CAPN7: variants seen among roughly 807,000 people sequenced by gnomAD.
CAPN7 encodes the protein calpain 7, also known as calpain-7.
A neutral mutation model predicts 115.2 loss-of-function variants in CAPN7; 72 were observed. That is an observed-to-expected ratio of 0.63 (90% CI 0.52 to 0.76). CAPN7 has a LOEUF of 0.76. CAPN7 is among the 30% of genes least tolerant of loss of function. CAPN7 has a pLI of 0.00. For synonymous variants in CAPN7, 344 were observed against 322.3 expected (o/e 1.07, Z -0.72); for missense variants, 905 against 971.5 (o/e 0.93, Z 0.91).
rs1693782220 is a variant in CAPN7, at chr3:15,218,627, G to C, written c.437+87G>C. On this transcript the variant is annotated intron_variant, in intron 4 of 20. Transcript: ENST00000253693. Reference sequence around the variant, plus strand: ...ATCTAAATGTGTTGTAAAGGCTGCAGTAACAAACCTCCATCTTTTAACTGT... The same window carrying C: ...ATCTAAATGTGTTGTAAAGGCTGCACTAACAAACCTCCATCTTTTAACTGT... The C allele has an allele frequency of 5.6e-6, 5 of 894,972 alleles. 1 individual carries two copies. Among genetic ancestry groups the C allele is most frequent in the Non-Finnish European group, 9.1e-6 (5 of 551,466 alleles). 55.4% of individuals were successfully genotyped at this position (894,972 alleles called of 1,614,324 possible).
At chr3:15,229,204 G>C (rs1317293633) in intron 8 of CAPN7, 145 bp downstream of exon 8, 1 of 622,222 alleles carries the variant, frequency 1.6e-6, no homozygotes, top group Non-Finnish European at 2.9e-6. Flanking sequence ...GATGATTTAT[G>C]AATGTGGAAA....
chr3:15,218,189 A>G (rs1348488168), intron 3 of CAPN7, among the ~76,000 whole-genome samples: 1 of 152,158 alleles, frequency 6.6e-6, no homozygotes, highest in Non-Finnish European at 1.5e-5. Context: ...AATGAGTGCT[A>G]GTGTTCTGAG....
rs1300551419 is a variant in CAPN7, at chr3:15,206,561, C to T, written c.66C>T (p.His22=). ...QFARLAVQRD[H]EGRYSEAVFY... ...CCCGTCTGGCGGTTCAGCGCGACCACGAAGGCCGCTACTCCGAGGCGGTGT... is the reference window on the plus strand; with the variant it reads ...CCCGTCTGGCGGTTCAGCGCGACCATGAAGGCCGCTACTCCGAGGCGGTGT... Residue 22 remains histidine, a synonymous_variant, in exon 1 of 21, where the codon CAC becomes CAT. Transcript: ENST00000253693. 6.4e-7 allele frequency: 1 copy of T among 1,554,336 alleles called. No homozygotes were observed. Among genetic ancestry groups the T allele is most frequent in the East Asian group, 2.4e-5 (1 of 41,324 alleles).
At chr3:15,208,850 A>AG (rs949658030) in intron 1 of CAPN7, among the ~76,000 whole-genome samples, 4 of 152,164 alleles carry the variant, frequency 2.6e-5, no homozygotes, top group Non-Finnish European at 5.9e-5. Context: ...CTAGATTTGG[A>AG]GGGAGCTGTG....
At chr3:15,215,604 T>C (rs2045207141) in intron 2 of CAPN7, among the ~76,000 whole-genome samples, 1 of 152,266 alleles carries the variant, frequency 6.6e-6, no homozygotes, top group Non-Finnish European at 1.5e-5. Flanking sequence ...CCTTTTGCCA[T>C]GTGGCTTCTT....
intron 1 of CAPN7, among the ~76,000 whole-genome samples, chr3:15,208,175 A>G (rs1244958489): frequency 2.7e-5 from 4 of 146,404 alleles, no homozygotes; most frequent in South Asian, 2.1e-4. Context: ...GTGTGTGACT[A>G]TATTTTTGTG....
intron 9 of CAPN7, 37 bp downstream of exon 9, chr3:15,230,572 C>G: frequency 8.4e-7 from 1 of 1,189,896 alleles, no homozygotes; most frequent in South Asian, 1.3e-5. Flanking sequence ...TCCCTTGTCT[C>G]TCTCCGTTCC....
chr3:15,227,886 T>C lies in CAPN7; in HGVS notation c.773T>C (p.Phe258Ser), dbSNP rs1490820664. The stretch of plus-strand genomic sequence containing the variant: ...TTATCACCTAAACAAAAAACTACAT[T>C]TTCCAAGTGGGTACGACCAGAAGAC... ...LPLSPKQKTT[F>S]SKWVRPEDLT... The change falls in exon 7 of 21, where the codon TTT (phenylalanine) becomes TCT (serine). Residue 258 changes from phenylalanine (F) to serine (S), a missense_variant. Coordinates refer to ENST00000253693, the MANE Select transcript of CAPN7 (RefSeq NM_014296.3). 6.5e-7 allele frequency: 1 copy of C among 1,549,990 alleles called. No individual in the cohort carries two copies. The highest frequency in any genetic ancestry group is 1.9e-5 in the Admixed American group (1 of 53,664).
intron 9 of CAPN7, chr3:15,232,008 G>T: frequency 4.9e-6 from 1 of 202,374 alleles, no homozygotes; most frequent in Non-Finnish European, 1.0e-5. Flanking sequence ...TATTTTAAAT[G>T]TACATTTCTA....
chr3:15,248,601 G>A (rs1695810728), intron 19 of CAPN7, among the ~76,000 whole-genome samples: 1 of 152,176 alleles, frequency 6.6e-6, no homozygotes, highest in African/African-American at 2.4e-5. Flanking sequence ...TGATCTGGGT[G>A]ATGGTTACCC....
At chr3:15,243,746 C>G (rs73140149) in intron 16 of CAPN7, among the ~76,000 whole-genome samples, 7,938 of 149,358 alleles carry the variant, frequency 0.053, 729 homozygotes, top group African/African-American at 0.19. Context: ...TAAGAACTTA[C>G]GAACACAAAG....
chr3:15,236,494 ACTG>A (rs1184357527), intron 12 of CAPN7, among the ~76,000 whole-genome samples: 1 of 152,254 alleles, frequency 6.6e-6, no homozygotes, highest in East Asian at 1.9e-4. Context: ...ACAGAGCACT[ACTG>A]TGTGTTAATT....
At chr3:15,243,349 T>G (rs979346060) in intron 16 of CAPN7, among the ~76,000 whole-genome samples, 2 of 152,196 alleles carry the variant, frequency 1.3e-5, no homozygotes, top group African/African-American at 2.4e-5. Flanking sequence ...GAAAATGACA[T>G]GTCCTGGCTC....
At chr3:15,235,314 A>G (rs1694922650) in intron 12 of CAPN7, among the ~76,000 whole-genome samples, 169 bp downstream of exon 12, 1 of 152,216 alleles carries the variant, frequency 6.6e-6, no homozygotes, top group Admixed American at 6.5e-5. Flanking sequence ...TATGAAATTA[A>G]AAGGTGGGAA....
chr3:15,242,090 TA>T (rs1413468008), intron 15 of CAPN7, 87 bp from the exon 16 acceptor site: 1 of 818,226 alleles, frequency 1.2e-6, no homozygotes, highest in African/African-American at 1.7e-5. Flanking sequence ...TGGAGAGATT[TA>T]GAGCATTTTT....
At chr3:15,249,649 C>G (rs531008242) in intron 19 of CAPN7, among the ~76,000 whole-genome samples, 2 of 152,194 alleles carry the variant, frequency 1.3e-5, no homozygotes, top group Admixed American at 1.3e-4. Flanking sequence ...ATGAATCTTT[C>G]CTTACTGATT....
At chr3:15,232,842 C>T (rs981177648) in intron 10 of CAPN7, among the ~76,000 whole-genome samples, 177 bp downstream of exon 10, 1 of 152,116 alleles carries the variant, frequency 6.6e-6, no homozygotes, top group Non-Finnish European at 1.5e-5. Context: ...CTTGTGTATC[C>T]GGGAAAGCCT....
At position 15,245,545 on chromosome 3, in the gene CAPN7, T is replaced by C. The variant is rs148716642; in HGVS notation, c.1884T>C (p.Ile628=). The C allele has an allele frequency of 5.9e-5, 95 of 1,613,594 alleles. No individual in the cohort carries two copies. The highest frequency in any genetic ancestry group is 1.6e-4 in the Middle Eastern group (1 of 6,080). The change falls in exon 17 of 21, where the codon ATT becomes ATC. Residue 628 remains isoleucine (I), a synonymous_variant. Coordinates refer to ENST00000253693, the MANE Select transcript of CAPN7 (RefSeq NM_014296.3). ...TTGCAGCTGACCCACCTCCATACAT[T>C]GATGGAATTCGAATTAACAGCCCTC... ...VYYPADPPPY[I]DGIRINSPHY...
At chr3:15,237,456 A>G (rs1695060561) in intron 12 of CAPN7, among the ~76,000 whole-genome samples, 1 of 152,214 alleles carries the variant, frequency 6.6e-6, no homozygotes. Flanking sequence ...TAATGAGGAC[A>G]GTAGGGACCT....
Sources: allele counts gnomAD v4.1 joint callset (sites outside exome capture counted in the v4.1 genomes callset), GRCh38; gene constraint gnomAD v4.1.1; transcripts MANE v1.5; gene names NCBI Gene and HGNC (gene_info 2026-07-23, HGNC 2026-07-21).